The following UBE2D1 variants were observed in gnomAD, a reference collection of about 807,000 sequenced individuals.
The protein encoded by UBE2D1 is ubiquitin conjugating enzyme E2 D1, also known as ubiquitin-conjugating enzyme E2 D1.
Under a neutral mutation model 24.6 loss-of-function variants are expected in UBE2D1, and 9 were observed. The observed-to-expected ratio is 0.37, with a 90% CI of 0.22 to 0.64. The LOEUF (loss-of-function observed/expected upper bound fraction) is 0.64. UBE2D1 is among the 30% of genes least tolerant of loss of function. The pLI is 0.64. For synonymous variants in UBE2D1, 57 were observed against 57.6 expected, an observed-to-expected ratio of 0.99 and a Z score of 0.04; for missense variants, 87 against 177.1, an observed-to-expected ratio of 0.49 and a Z score of 2.89.
At chr10:58,345,908 C>T (rs1463012524) in intron 1 of UBE2D1, among the ~76,000 whole-genome samples, 2 of 151,966 alleles carry the variant, frequency 1.3e-5, no homozygotes, top group African/African-American at 4.8e-5. Flanking sequence ...GACCATAAAG[C>T]TTCATATTGT....
intron 1 of UBE2D1, among the ~76,000 whole-genome samples, chr10:58,338,190 T>C (rs2132312090): frequency 6.6e-6 from 1 of 152,280 alleles, no homozygotes; most frequent in African/African-American, 2.4e-5. Context: ...TGTTAAAAAG[T>C]TCATGATTTC....
chr10:58,356,688 A>G (rs1325930452), intron 1 of UBE2D1, among the ~76,000 whole-genome samples: 5 of 152,120 alleles, frequency 3.3e-5, no homozygotes, highest in African/African-American at 9.7e-5. Flanking sequence ...CCTCCCTCCA[A>G]CAGTGAGTGA....
intron 1 of UBE2D1, among the ~76,000 whole-genome samples, chr10:58,349,909 T>C (rs1840054523): frequency 6.6e-6 from 1 of 152,218 alleles, no homozygotes; most frequent in Non-Finnish European, 1.5e-5. Flanking sequence ...ATACAGTATG[T>C]ATCTTTTGTC....
chr10:58,342,152 A>T (rs1250657151), intron 1 of UBE2D1, among the ~76,000 whole-genome samples: 1 of 152,118 alleles, frequency 6.6e-6, no homozygotes, highest in African/African-American at 2.4e-5. Flanking sequence ...GTGTTCCAGG[A>T]TTGTCCTTAG....
intron 1 of UBE2D1, 79 bp downstream of exon 1, chr10:58,335,304 C>T (rs1839890065): frequency 7.1e-7 from 1 of 1,416,248 alleles, no homozygotes; most frequent in African/African-American, 1.5e-5. Context: ...TCCCGAGAGA[C>T]ATGCGGGGAG....
chr10:58,335,623 C>T (rs1839894953), intron 1 of UBE2D1, among the ~76,000 whole-genome samples: 1 of 152,254 alleles, frequency 6.6e-6, no homozygotes, highest in Non-Finnish European at 1.5e-5. Context: ...AGCCTGTCCT[C>T]TTTTATGTTC....
At chr10:58,337,191 A>G (rs1387394360) in intron 1 of UBE2D1, among the ~76,000 whole-genome samples, 1 of 152,196 alleles carries the variant, frequency 6.6e-6, no homozygotes, top group African/African-American at 2.4e-5. Flanking sequence ...TGACAAATTG[A>G]TATTTTGGAA....
intron 1 of UBE2D1, among the ~76,000 whole-genome samples, chr10:58,347,938 C>T (rs117354281): frequency 0.018 from 2,728 of 152,274 alleles, 36 homozygotes; most frequent in Non-Finnish European, 0.025. Flanking sequence ...CATGAACCAC[C>T]GTTCCCGGCC....
At chr10:58,335,284 C>G (rs941950688) in intron 1 of UBE2D1, 59 bp downstream of exon 1, 1 of 1,467,104 alleles carries the variant, frequency 6.8e-7, no homozygotes, top group Non-Finnish European at 9.0e-7. Context: ...CACGCTGACT[C>G]GGCCAGTGGT....
chr10:58,354,248 T>C (rs904459504), intron 1 of UBE2D1, among the ~76,000 whole-genome samples: 1 of 152,096 alleles, frequency 6.6e-6, no homozygotes, highest in Non-Finnish European at 1.5e-5. Flanking sequence ...CAGCTAGTAA[T>C]TGGACTTTGA....
chr10:58,352,937 G>T (rs961842796), intron 1 of UBE2D1, among the ~76,000 whole-genome samples: 9 of 151,934 alleles, frequency 5.9e-5, no homozygotes, highest in Non-Finnish European at 1.5e-5. Context: ...CTAAACTTTA[G>T]TGACACATTC....
At chr10:58,365,492 A>G (rs2132333434) in intron 5 of UBE2D1, among the ~76,000 whole-genome samples, 1 of 152,370 alleles carries the variant, frequency 6.6e-6, no homozygotes, top group Admixed American at 6.5e-5. Flanking sequence ...AATGCAGTAC[A>G]TATAGCATGT....
chr10:58,337,992 G>A (rs1208308345), intron 1 of UBE2D1, among the ~76,000 whole-genome samples: 2 of 151,958 alleles, frequency 1.3e-5, no homozygotes, highest in Non-Finnish European at 2.9e-5. Flanking sequence ...GACTACAGGC[G>A]CATGCTGCCA....
rs1256956514 is a variant in UBE2D1 at position 58,351,395 on chromosome 10, A to AT, written c.25-9936dup. ...CCTTGTTCTATAAGCTTCTATTTTA[A>AT]TTTTTTTCACATTTTTTTCACTTTT... On this transcript the variant is annotated intron_variant, in intron 1 of 6. Coordinates refer to ENST00000373910, the MANE Select transcript of UBE2D1 (RefSeq NM_003338.5). 5.3e-5 allele frequency among the ~76,000 whole-genome samples: 8 copies of AT among 152,170 alleles called. No individual in the cohort carries two copies. In the East Asian group the frequency reaches 1.3e-3, roughly 26 times the overall value.
At chr10:58,365,020 T>C (rs56895589) in intron 5 of UBE2D1, 144 bp downstream of exon 5, 40,156 of 626,548 alleles carry the variant, frequency 0.064, 3,695 homozygotes, top group African/African-American at 0.33. Flanking sequence ...TTTGCTCTTA[T>C]GTTACTATGG....
At chr10:58,356,310 T>C (rs557678620) in intron 1 of UBE2D1, among the ~76,000 whole-genome samples, 1 of 152,270 alleles carries the variant, frequency 6.6e-6, no homozygotes, top group South Asian at 2.1e-4. Flanking sequence ...AGAATTTATA[T>C]GTATATTATG....
intron 1 of UBE2D1, among the ~76,000 whole-genome samples, chr10:58,339,193 C>A (rs1270975215): frequency 6.6e-6 from 1 of 152,110 alleles, no homozygotes; most frequent in East Asian, 1.9e-4. Flanking sequence ...GTGACCTCTG[C>A]CTCTGAGGCT....
intron 1 of UBE2D1, among the ~76,000 whole-genome samples, chr10:58,338,929 T>C (rs1011384852): frequency 1.3e-5 from 2 of 152,210 alleles, no homozygotes; most frequent in Non-Finnish European, 2.9e-5. Context: ...TAATAATCAA[T>C]GTAATCTGAA....
In UBE2D1 at chr10:58,335,093, C is replaced by A; in HGVS notation, c.-109C>A. 1 of 1,250,840 alleles carries A rather than the reference C, an allele frequency of 8.0e-7. No individual in the cohort carries two copies. The highest frequency in any genetic ancestry group is 2.0e-5 in the Admixed American group (1 of 48,794). The allele number at this position is 1,250,840 out of a possible 1,614,324, so 77.5% of individuals were successfully genotyped here. A position where few individuals can be genotyped will look rare whatever the true frequency, so the allele number is the denominator to read the frequency against. On this transcript the variant is annotated 5_prime_UTR_variant, in exon 1 of 7. Coordinates refer to ENST00000373910, the MANE Select transcript of UBE2D1 (RefSeq NM_003338.5). ...CAGGGAGCGGCTAACCGGGGACCCA[C>A]CGCGCGGAGCCAGCCTAGCTGCCAG...
Sources: gnomAD v4.1 joint callset for allele counts (sites outside exome capture counted in the v4.1 genomes callset) on GRCh38, gnomAD v4.1.1 for gene constraint, MANE v1.5 for transcripts, NCBI Gene and HGNC (gene_info 2026-07-23, HGNC 2026-07-21) for gene names.